Variants in DACH1 observed in about 807,000 individuals in gnomAD.
DACH1 encodes the protein dachshund family transcription factor 1, also known as dachshund homolog 1.
DACH1 carries 12 observed loss-of-function variants against 54.2 expected under a neutral mutation model. That is an observed-to-expected ratio of 0.22 (90% CI 0.14 to 0.36). The LOEUF (loss-of-function observed/expected upper bound fraction) is 0.36, where lower values mean the gene tolerates loss of function less well. Ranked by LOEUF, DACH1 falls within the 10% of genes least tolerant of loss-of-function variation. DACH1 has a pLI of 1.00. For missense variants in DACH1, 805 were observed against 929.8 expected (o/e 0.87, Z 1.75); for synonymous variants, 386 against 366.2 (o/e 1.05, Z -0.62).
chr13:71,728,887 A>G (rs1594144075), intron 1 of DACH1, among the ~76,000 whole-genome samples: 1 of 152,126 alleles, frequency 6.6e-6, no homozygotes, highest in East Asian at 1.9e-4. Context: ...TTCAATACAA[A>G]CCACCTGTTT....
intron 1 of DACH1, among the ~76,000 whole-genome samples, chr13:71,731,077 C>A (rs1883719919): frequency 6.6e-6 from 1 of 151,914 alleles, no homozygotes; most frequent in African/African-American, 2.4e-5. Flanking sequence ...AACACTTTTG[C>A]AATAATCTGA....
At chr13:71,848,089 A>C (rs1873405801) in intron 1 of DACH1, among the ~76,000 whole-genome samples, 1 of 152,156 alleles carries the variant, frequency 6.6e-6, no homozygotes, top group African/African-American at 2.4e-5. Context: ...CCATCATAGA[A>C]TGCTCTGGCC....
At chr13:71,708,275 G>A (rs2216140) in intron 1 of DACH1, among the ~76,000 whole-genome samples, 27,653 of 152,082 alleles carry the variant, frequency 0.18, 6,116 homozygotes, top group African/African-American at 0.53. Flanking sequence ...GGTATTAAAA[G>A]TAAGCTTGAC....
At chr13:71,661,258 G>T (rs1263901301) in intron 2 of DACH1, among the ~76,000 whole-genome samples, 3 of 150,870 alleles carry the variant, frequency 2.0e-5, no homozygotes, top group Non-Finnish European at 3.0e-5. Context: ...AAATATCTTA[G>T]CACATAGTAA....
intron 6 of DACH1, among the ~76,000 whole-genome samples, chr13:71,514,668 T>C (rs1019977222): frequency 6.6e-6 from 1 of 151,864 alleles, no homozygotes; most frequent in East Asian, 1.9e-4. Flanking sequence ...AACATGCATA[T>C]CCTTTATGTT....
At chr13:71,729,433 A>C (rs1883638884) in intron 1 of DACH1, among the ~76,000 whole-genome samples, 1 of 152,062 alleles carries the variant, frequency 6.6e-6, no homozygotes, top group Non-Finnish European at 1.5e-5. Flanking sequence ...TAAATATATT[A>C]AGGAAAGCAT....
At chr13:71,656,978 A>G (rs1879145836) in intron 2 of DACH1, among the ~76,000 whole-genome samples, 1 of 142,188 alleles carries the variant, frequency 7.0e-6, no homozygotes, top group Non-Finnish European at 1.5e-5. Context: ...ATATATATGA[A>G]CATATATATG....
At chr13:71,493,450 G>C (rs766956555) in intron 6 of DACH1, among the ~76,000 whole-genome samples, 20 of 152,140 alleles carry the variant, frequency 1.3e-4, no homozygotes, top group Non-Finnish European at 1.9e-4. Flanking sequence ...GCTGTACCTA[G>C]ATTCTTGAGC....
intron 1 of DACH1, among the ~76,000 whole-genome samples, chr13:71,837,822 C>T (rs1456779651): frequency 2.0e-5 from 3 of 148,874 alleles, no homozygotes; most frequent in Non-Finnish European, 4.4e-5. Context: ...TACTATGCAG[C>T]CATAAAAAAT....
chr13:71,570,403 C>T (rs1289039957), intron 4 of DACH1, among the ~76,000 whole-genome samples: 1 of 152,144 alleles, frequency 6.6e-6, no homozygotes, highest in Non-Finnish European at 1.5e-5. Flanking sequence ...AAAAAATGGG[C>T]CTTTCAGCCC....
At chr13:71,619,769 G>A (rs1455538923) in intron 3 of DACH1, among the ~76,000 whole-genome samples, 1 of 151,916 alleles carries the variant, frequency 6.6e-6, no homozygotes, top group South Asian at 2.1e-4. Context: ...GTCTAGCTAA[G>A]TTATGTAATT....
At chr13:71,450,759 G>T (rs1415729215) in intron 10 of DACH1, among the ~76,000 whole-genome samples, 1 of 152,092 alleles carries the variant, frequency 6.6e-6, no homozygotes, top group Non-Finnish European at 1.5e-5. Flanking sequence ...AAGCAAAACA[G>T]CCTTATTGCT....
chr13:71,641,525 G>C (rs1474433886), intron 2 of DACH1, among the ~76,000 whole-genome samples: 1 of 152,132 alleles, frequency 6.6e-6, no homozygotes, highest in African/African-American at 2.4e-5. Flanking sequence ...TGAATAGTGA[G>C]AGGCCAGTTG....
At position 71,866,052 on chromosome 13, in the gene DACH1, G is replaced by A. The variant is rs753478269; in HGVS notation, c.718C>T (p.Pro240Ser). The change falls in exon 1 of 11, where the codon CCG becomes TCG. Residue 240 changes from proline (P) to serine (S), a missense_variant. Pro to Ser is a moderately conservative substitution (Grantham distance 74, BLOSUM62 -1). Coordinates refer to ENST00000613252, the MANE Select transcript of DACH1 (RefSeq NM_080759.6). ...ACTTGTTCCACATTGCACACCACCG[G>A]CGTGATCTCCAGCCGCTTCAGCTTG... ...YTKLKRLEIT[P>S]VVCNVEQVRI... 1 of 1,613,748 alleles carries A rather than the reference G, an allele frequency of 6.2e-7. No individual in the cohort carries two copies. Among genetic ancestry groups the A allele is most frequent in the African/African-American group, 1.3e-5 (1 of 74,848 alleles).
chr13:71,679,217 C>A (rs1009766252), intron 2 of DACH1, among the ~76,000 whole-genome samples: 2 of 152,086 alleles, frequency 1.3e-5, no homozygotes, highest in South Asian at 2.1e-4. Context: ...GTTCACCAAG[C>A]CGGCAAGTGC....
intron 2 of DACH1, among the ~76,000 whole-genome samples, chr13:71,668,138 T>C (rs1340206245): frequency 6.6e-6 from 1 of 151,978 alleles, no homozygotes; most frequent in African/African-American, 2.4e-5. Context: ...GGAATAATGC[T>C]TTACTTTGGG....
intron 1 of DACH1, among the ~76,000 whole-genome samples, chr13:71,779,136 TAC>T (rs1448013763): frequency 7.0e-6 from 1 of 141,978 alleles, no homozygotes; most frequent in Non-Finnish European, 1.5e-5. Flanking sequence ...TATACATATA[TAC>T]ACATATATAC....
chr13:71,675,065 C>CGGCT, intron 2 of DACH1: 1 of 1,455,200 alleles, frequency 6.9e-7, no homozygotes, highest in South Asian at 1.1e-5. Flanking sequence ...CTCTGTACCA[C>CGGCT]GGCTCGTACA....
intron 1 of DACH1, among the ~76,000 whole-genome samples, chr13:71,837,459 T>C (rs1276550340): frequency 6.6e-6 from 1 of 152,098 alleles, no homozygotes; most frequent in African/African-American, 2.4e-5. Flanking sequence ...ACACCTGAGC[T>C]GGAAACTTGG....
Sources: allele counts gnomAD v4.1 joint callset (sites outside exome capture counted in the v4.1 genomes callset), GRCh38; gene constraint gnomAD v4.1.1; transcripts MANE v1.5; gene names NCBI Gene and HGNC (gene_info 2026-07-23, HGNC 2026-07-21).